The following FANCD2 variants were observed in gnomAD, a reference collection of about 807,000 sequenced individuals.
The protein encoded by FANCD2 is Fanconi anemia group D2 protein.
Under a neutral mutation model 192.3 loss-of-function variants are expected in FANCD2, and 131 were observed. That is an observed-to-expected ratio of 0.68 (90% CI 0.59 to 0.79). The LOEUF (loss-of-function observed/expected upper bound fraction) is 0.79. Among genes scored for constraint, FANCD2 ranks in the 30% least tolerant of loss-of-function variants. The pLI, the probability that FANCD2 is intolerant of heterozygous loss-of-function variation, is 0.00. For missense variants in FANCD2, 1,508 were observed against 1,701.6 expected (o/e 0.89, Z 2.00); for synonymous variants, 524 against 612.5 (o/e 0.86, Z 2.13).
At chr3:10,074,359 G>A (rs761411799) in intron 28 of FANCD2, among the ~76,000 whole-genome samples, 171 bp from the exon 29 acceptor site, 52 of 152,216 alleles carry the variant, frequency 3.4e-4, no homozygotes, top group South Asian at 1.2e-3. Flanking sequence ...CTTAAATTAG[G>A]TGCTCTGTCT....
chr3:10,092,210 C>T lies in FANCD2; in HGVS notation c.3807C>T (p.Asn1269=), dbSNP rs1431922975. The part of the protein sequence containing the change: ...QIHEEKLLYW[N]MAVRDFSILI... The stretch of plus-strand genomic sequence containing the variant: ...ATGAAGAGAAACTCCTCTACTGGAA[C>T]ATGGCTGTTCGAGACTTCAGTATCC... The change falls in exon 38 of 44, where the codon AAC becomes AAT. Residue 1269 remains asparagine (N), a synonymous_variant. Transcript: ENST00000675286. 9.9e-6 allele frequency: 16 copies of T among 1,613,922 alleles called. No individual in the cohort carries two copies. Among genetic ancestry groups the T allele is most frequent in the Admixed American group, 1.7e-5 (1 of 59,994 alleles).
At chr3:10,061,078 C>T (rs1282215947) in intron 19 of FANCD2, among the ~76,000 whole-genome samples, 1 of 152,186 alleles carries the variant, frequency 6.6e-6, no homozygotes, top group South Asian at 2.1e-4. Context: ...AGCCCTCCTG[C>T]GCCCAACTTA....
At chr3:10,063,310 G>A (rs2087620922) in intron 20 of FANCD2, among the ~76,000 whole-genome samples, 1 of 152,010 alleles carries the variant, frequency 6.6e-6, no homozygotes, top group Non-Finnish European at 1.5e-5. Flanking sequence ...GGTGGCAGGC[G>A]CCTGTAGTCC....
At chr3:10,041,868 A>T in intron 10 of FANCD2, among the ~76,000 whole-genome samples, 158 bp downstream of exon 10, 1 of 142,192 alleles carries the variant, frequency 7.0e-6, no homozygotes, top group African/African-American at 2.6e-5. Flanking sequence ...CCCCTCAATG[A>T]GTTTCAGATG....
At chr3:10,031,456 C>T (rs1348507739) in intron 2 of FANCD2, among the ~76,000 whole-genome samples, 5 of 148,622 alleles carry the variant, frequency 3.4e-5, no homozygotes, top group Admixed American at 2.0e-4. Context: ...GAGCCAAGAT[C>T]GCGCCACTGC....
intron 12 of FANCD2, 82 bp from the exon 13 acceptor site, chr3:10,043,402 G>A: frequency 8.9e-7 from 1 of 1,124,512 alleles, no homozygotes; most frequent in Non-Finnish European, 1.3e-6. Context: ...ATTTGCTCCA[G>A]GGTACATGGC....
intron 14 of FANCD2, among the ~76,000 whole-genome samples, chr3:10,044,655 G>A (rs1256551619): frequency 6.6e-6 from 1 of 152,066 alleles, no homozygotes; most frequent in Non-Finnish European, 1.5e-5. Context: ...TTTTTCTTTG[G>A]TTGGAATCTG....
At position 10,060,195 on chromosome 3, in the gene FANCD2, G is replaced by A. The variant is rs543396421; in HGVS notation, c.1657-99G>A. On this transcript the variant is annotated intron_variant, in intron 18 of 43. Coordinates refer to ENST00000675286, the MANE Select transcript of FANCD2 (RefSeq NM_001018115.3). ...AAAAAAAAAAAAACAGTTAGTAAAC[G>A]GTAAACGCCTTTATAGTCTAGCTAT... is the stretch of plus-strand genomic sequence containing the variant. 1.6e-4 allele frequency: 124 copies of A among 760,862 alleles called. 1 individual carries two copies. The highest frequency in any genetic ancestry group is 1.2e-3 in the African/African-American group (68 of 55,828). The allele number at this position is 760,862 out of a possible 1,614,324, so 47.1% of individuals were successfully genotyped here. A position where few individuals can be genotyped will look rare whatever the true frequency, so the allele number is the denominator to read the frequency against.
intron 2 of FANCD2, among the ~76,000 whole-genome samples, chr3:10,031,557 G>A (rs1373453681): frequency 6.6e-6 from 1 of 151,780 alleles, no homozygotes; most frequent in Admixed American, 6.6e-5. Flanking sequence ...AAACAAAATG[G>A]CATCATTAAG....
At chr3:10,077,124 CTGGGCGGCTGAGG>C (rs1693581769) in intron 29 of FANCD2, among the ~76,000 whole-genome samples, 1 of 151,108 alleles carries the variant, frequency 6.6e-6, no homozygotes, top group African/African-American at 2.5e-5. Context: ...TCCCAGCTAC[CTGGGCGGCTGAGG>C]TGGGACCATC....
intron 2 of FANCD2, 93 bp from the exon 3 acceptor site, chr3:10,032,739 A>G (rs900910837): frequency 2.7e-6 from 3 of 1,095,378 alleles, no homozygotes; most frequent in African/African-American, 1.6e-5. Flanking sequence ...TTAAGGACAC[A>G]TCAGTTTTCC....
At chr3:10,094,926 T>C in intron 40 of FANCD2, 1 of 478,720 alleles carries the variant, frequency 2.1e-6, no homozygotes. Context: ...TTTATCCTAA[T>C]GTTGCAGATG....
At chr3:10,031,084 A>G (rs2086580120) in intron 2 of FANCD2, among the ~76,000 whole-genome samples, 1 of 152,236 alleles carries the variant, frequency 6.6e-6, no homozygotes, top group Admixed American at 6.5e-5. Flanking sequence ...AATTAAGTTT[A>G]TTAGAAGGGA....
intron 43 of FANCD2, among the ~76,000 whole-genome samples, chr3:10,100,743 C>T (rs1173437921): frequency 6.6e-6 from 1 of 152,130 alleles, no homozygotes; most frequent in African/African-American, 2.4e-5. Flanking sequence ...CATATACATG[C>T]AGTAGAGCTG....
chr3:10,067,283 A>G lies in FANCD2; in HGVS notation c.2460A>G (p.Val820=). 6.2e-7 allele frequency: 1 copy of G among 1,613,464 alleles called. No homozygotes were observed. The change falls in exon 26 of 44, where the codon GTA becomes GTG. Residue 820 remains valine (V), a synonymous_variant. Transcript: ENST00000675286. ...TGCTCACTCGGTTAAAGCACATTGT[A>G]GAATTGCAAATAATCCTGGAAAAGT... ...GKVLTRLKHI[V]ELQIILEKYL... is the part of the protein sequence containing the mutation.
chr3:10,035,154 A>G lies in FANCD2; in HGVS notation c.378-19A>G, dbSNP rs201500068. The stretch of plus-strand genomic sequence containing the variant: ...ACAAGGAAAGCAAAGTGGAAAACAG[A>G]TTTCTTTTTTTTTTACAGTATGGGT... On this transcript the variant is annotated intron_variant, in intron 5 of 43. Transcript: ENST00000675286. The G allele has an allele frequency of 5.6e-6, 9 of 1,593,312 alleles. No homozygotes were observed. Among genetic ancestry groups the G allele is most frequent in the Middle Eastern group, 3.3e-4 (2 of 6,018 alleles).
At chr3:10,056,819 T>G (rs1270007661) in intron 18 of FANCD2, among the ~76,000 whole-genome samples, 1 of 152,196 alleles carries the variant, frequency 6.6e-6, no homozygotes, top group Non-Finnish European at 1.5e-5. Flanking sequence ...ATTTCTATAT[T>G]TTTGTAGAAA....
chr3:10,064,063 C>T (rs1292696557), intron 21 of FANCD2, 152 bp downstream of exon 21: 12 of 1,050,788 alleles, frequency 1.1e-5, no homozygotes, highest in South Asian at 9.0e-5. Flanking sequence ...CCCTGTCTCA[C>T]GGCTCTTCTC....
At position 10,077,536 on chromosome 3, in the gene FANCD2, C is replaced by T. The variant is rs184100946; in HGVS notation, c.2860-545C>T. On this transcript the variant is annotated intron_variant, in intron 29 of 43. Transcript: ENST00000675286. ...TGCCACTGCCCTCCAGCCTGGGTGA[C>T]GGAACAAGACTCTGTCTCAAAAAAA... 8.6e-5 allele frequency among the ~76,000 whole-genome samples: 13 copies of T among 151,444 alleles called. No homozygotes were observed. The East Asian group carries it at 1.4e-3, about 16-fold the overall frequency.
Sources: gnomAD v4.1 joint callset for allele counts (sites outside exome capture counted in the v4.1 genomes callset) on GRCh38, gnomAD v4.1.1 for gene constraint, MANE v1.5 for transcripts, NCBI Gene and HGNC (gene_info 2026-07-23, HGNC 2026-07-21) for gene names.